Variants in ADCY3 observed in about 807,000 individuals in gnomAD.
ADCY3 encodes the protein adenylate cyclase 3, also known as adenylate cyclase type 3.
ADCY3 carries 70 observed loss-of-function variants against 119.4 expected under a neutral mutation model. The observed-to-expected ratio is 0.59, with a 90% CI of 0.48 to 0.72. ADCY3 has a LOEUF of 0.72. ADCY3 is among the 30% of genes least tolerant of loss of function. ADCY3 has a pLI of 0.00. For synonymous variants in ADCY3, 672 were observed against 621.4 expected (o/e 1.08, Z -1.21); for missense variants, 1,238 against 1,541.6 (o/e 0.80, Z 3.30).
intron 2 of ADCY3, among the ~76,000 whole-genome samples, chr2:24,879,192 G>A (rs991703195): frequency 1.3e-5 from 2 of 152,156 alleles, no homozygotes; most frequent in African/African-American, 4.8e-5. Flanking sequence ...GAAAGACTGG[G>A]CCGGGCGCGG....
At chr2:24,836,359 G>A (rs1036164963) in intron 9 of ADCY3, among the ~76,000 whole-genome samples, 2 of 152,196 alleles carry the variant, frequency 1.3e-5, no homozygotes, top group Non-Finnish European at 2.9e-5. Flanking sequence ...CGGTGAGCCC[G>A]AGCAGGGCAG....
In ADCY3 at chr2:24,830,689, C is replaced by T; in HGVS notation, c.2172+20G>A. The T allele has an allele frequency of 6.2e-7, 1 of 1,602,286 alleles. No individual in the cohort carries two copies. The highest frequency in any genetic ancestry group is 8.5e-7 in the Non-Finnish European group (1 of 1,170,172). On this transcript the variant is annotated intron_variant, in intron 13 of 21. Coordinates refer to ENST00000679454, the MANE Select transcript of ADCY3 (RefSeq NM_004036.5). ...ACTGAGAACAGGGGCGTCCCTTCAA[C>T]AAGGACAGCAGGAGCTCACCATGTC... is the stretch of plus-strand genomic sequence containing the variant.
intron 2 of ADCY3, among the ~76,000 whole-genome samples, chr2:24,873,638 A>T (rs571859279): frequency 2.0e-5 from 3 of 152,214 alleles, no homozygotes; most frequent in Admixed American, 6.5e-5. Flanking sequence ...CTGCTACTCC[A>T]ATCTTTGGCC....
In ADCY3 at chr2:24,827,870, C is replaced by A. The variant is rs201034328; in HGVS notation, c.2432+32G>T. On this transcript the variant is annotated intron_variant, in intron 14 of 21. Coordinates refer to ENST00000679454, the MANE Select transcript of ADCY3 (RefSeq NM_004036.5). ...GACTTTGCGGGCGGGAGGAAGGAGA[C>A]AATACAGATCCCCAGTCACGCTTCA... 1,842 of 1,612,206 alleles carry A rather than the reference C, an allele frequency of 1.1e-3. 34 individuals carry two copies. The highest frequency in any genetic ancestry group is 2.2e-4 in the Non-Finnish European group (254 of 1,179,018).
intron 2 of ADCY3, among the ~76,000 whole-genome samples, chr2:24,914,065 C>G (rs72794119): frequency 1.3e-5 from 2 of 152,186 alleles, no homozygotes; most frequent in African/African-American, 4.8e-5. Flanking sequence ...TTCCTCCTCA[C>G]CCAGCCCAGG....
At chr2:24,911,649 A>AC (rs1385728707) in intron 2 of ADCY3, among the ~76,000 whole-genome samples, 8 of 146,740 alleles carry the variant, frequency 5.5e-5, no homozygotes, top group African/African-American at 2.1e-4. Context: ...AAAAAAAAAA[A>AC]AAAAAAAAAC....
rs73923459 is a variant in ADCY3, at chr2:24,878,720, G to A, written c.676-6001C>T. 1.6e-3 allele frequency among the ~76,000 whole-genome samples: 249 copies of A among 152,276 alleles called. 1 individual carries two copies. Among genetic ancestry groups the A allele is most frequent in the African/African-American group, 5.2e-3 (218 of 41,562 alleles). ...AGGCCCAGCCAGAGCCTGTGAGGCC[G>A]CCACTCAGCACAGATGGGTCCCACT... On this transcript the variant is annotated intron_variant, in intron 2 of 21. Coordinates refer to ENST00000679454, the MANE Select transcript of ADCY3 (RefSeq NM_004036.5). This position sits in a 1 kb window ranked among gnomAD's most constrained non-coding sequence, Gnocchi z 4.0.
intron 2 of ADCY3, among the ~76,000 whole-genome samples, chr2:24,893,116 CT>C (rs1677889867): frequency 6.6e-6 from 1 of 150,834 alleles, no homozygotes; most frequent in African/African-American, 2.5e-5. Flanking sequence ...TCACTGCAGC[CT>C]CAGACTCCTG....
intron 2 of ADCY3, among the ~76,000 whole-genome samples, chr2:24,905,624 C>T (rs1262558235): frequency 6.6e-6 from 1 of 152,174 alleles, no homozygotes; most frequent in African/African-American, 2.4e-5. Context: ...CCACCAGGCG[C>T]CCTTGAGACA....
chr2:24,839,638 T>A (rs1034618106), intron 7 of ADCY3, among the ~76,000 whole-genome samples: 1 of 152,086 alleles, frequency 6.6e-6, no homozygotes, highest in African/African-American at 2.4e-5. Context: ...TACTGCAGGG[T>A]CCAGGAAGGA....
At chr2:24,845,855 C>A (rs1558445059) in intron 3 of ADCY3, among the ~76,000 whole-genome samples, 1 of 152,240 alleles carries the variant, frequency 6.6e-6, no homozygotes, top group Non-Finnish European at 1.5e-5. Flanking sequence ...ATGCTGTGTG[C>A]AGCCTAGGGA....
intron 18 of ADCY3, among the ~76,000 whole-genome samples, chr2:24,822,839 CAT>C (rs1373467963): frequency 1.3e-5 from 2 of 152,216 alleles, no homozygotes; most frequent in African/African-American, 2.4e-5. Context: ...TCAACACTGA[CAT>C]AAAATCGGCA....
At chr2:24,883,364 A>C (rs2148889025) in intron 2 of ADCY3, among the ~76,000 whole-genome samples, 1 of 146,884 alleles carries the variant, frequency 6.8e-6, no homozygotes, top group East Asian at 2.0e-4. Context: ...AATAAAAAAA[A>C]GAAGCTAGCA....
chr2:24,900,875 G>A (rs1220002588), intron 2 of ADCY3, among the ~76,000 whole-genome samples: 2 of 152,124 alleles, frequency 1.3e-5, no homozygotes, highest in South Asian at 2.1e-4. Context: ...GACCAGCCTG[G>A]CCAACATGGT....
chr2:24,856,655 A>C (rs1159306496), intron 3 of ADCY3, among the ~76,000 whole-genome samples: 1 of 152,204 alleles, frequency 6.6e-6, no homozygotes, highest in Non-Finnish European at 1.5e-5. Context: ...GGAAACTCCA[A>C]TACTGCCGCC....
intron 2 of ADCY3, among the ~76,000 whole-genome samples, chr2:24,912,672 C>T (rs1663926845): frequency 1.3e-5 from 2 of 152,026 alleles, no homozygotes; most frequent in African/African-American, 4.8e-5. Flanking sequence ...CCTGGCCCAG[C>T]CCTGGGCTTC....
chr2:24,889,177 G>A (rs1344983690), intron 2 of ADCY3, among the ~76,000 whole-genome samples: 2 of 152,192 alleles, frequency 1.3e-5, no homozygotes, highest in African/African-American at 4.8e-5. Flanking sequence ...ATTAATTTCA[G>A]CATTAAATGG....
chr2:24,894,733 A>G (rs1339113188), intron 2 of ADCY3, among the ~76,000 whole-genome samples: 2 of 151,508 alleles, frequency 1.3e-5, no homozygotes, highest in Non-Finnish European at 2.9e-5. Flanking sequence ...CCAAATTTCT[A>G]TCTAGTATCA....
chr2:24,823,807 T>C (rs1465386657), intron 17 of ADCY3, among the ~76,000 whole-genome samples: 2 of 151,856 alleles, frequency 1.3e-5, no homozygotes, highest in Non-Finnish European at 2.9e-5. Flanking sequence ...GTCTCCTGTC[T>C]CAGTTTCCCG....
Sources: gnomAD v4.1 joint callset for allele counts (sites outside exome capture counted in the v4.1 genomes callset) on GRCh38, gnomAD v4.1.1 for gene constraint, Gnocchi (gnomAD v3.1) non-coding constraint, MANE v1.5 for transcripts, NCBI Gene and HGNC (gene_info 2026-07-23, HGNC 2026-07-21) for gene names.